Variants in EXOC6B observed in about 807,000 individuals in gnomAD.
The protein encoded by EXOC6B is exocyst complex component 6B.
A neutral mutation model predicts 113.5 loss-of-function variants in EXOC6B; 54 were observed. The observed-to-expected ratio is 0.48, with a 90% CI of 0.38 to 0.60. The LOEUF is 0.60. Among genes scored for constraint, EXOC6B ranks in the 20% least tolerant of loss-of-function variants. EXOC6B has a pLI of 0.00. For synonymous variants in EXOC6B, 357 were observed against 339.0 expected, an observed-to-expected ratio of 1.05 and a Z score of -0.58; for missense variants, 797 against 977.5, an observed-to-expected ratio of 0.82 and a Z score of 2.46.
At chr2:72,725,398 AT>A (rs893579724) in intron 5 of EXOC6B, among the ~76,000 whole-genome samples, 59 of 147,536 alleles carry the variant, frequency 4.0e-4, no homozygotes, top group East Asian at 9.9e-4. Context: ...AATAATAAGG[AT>A]TTTTTTTTTT....
intron 20 of EXOC6B, among the ~76,000 whole-genome samples, chr2:72,214,064 T>A (rs1474490481): frequency 6.6e-6 from 1 of 152,134 alleles, no homozygotes. Context: ...CACCACCCCA[T>A]AAAGCCCATT....
intron 11 of EXOC6B, among the ~76,000 whole-genome samples, chr2:72,501,168 T>C (rs1028962208): frequency 2.0e-5 from 3 of 152,192 alleles, no homozygotes; most frequent in African/African-American, 7.2e-5. Context: ...GGTTTGGATA[T>C]TTGTCCCCTC....
intron 6 of EXOC6B, among the ~76,000 whole-genome samples, chr2:72,650,837 T>G (rs1400958947): frequency 6.6e-6 from 1 of 150,902 alleles, no homozygotes. Flanking sequence ...CTGATAGGAA[T>G]GTAAAACAGT....
intron 6 of EXOC6B, among the ~76,000 whole-genome samples, chr2:72,683,405 T>C (rs2104553728): frequency 6.6e-6 from 1 of 152,302 alleles, no homozygotes; most frequent in South Asian, 2.1e-4. Context: ...GATCTATACT[T>C]ATGGACATTA....
chr2:72,617,986 T>C (rs1008164570), intron 6 of EXOC6B, among the ~76,000 whole-genome samples: 9 of 152,158 alleles, frequency 5.9e-5, no homozygotes, highest in Admixed American at 2.0e-4. Context: ...ACATCTTAGT[T>C]GTTCAGTAAG....
intron 8 of EXOC6B, among the ~76,000 whole-genome samples, chr2:72,528,078 C>T (rs1701823571): frequency 6.6e-6 from 1 of 151,920 alleles, no homozygotes; most frequent in Non-Finnish European, 1.5e-5. Flanking sequence ...TTTTCTTTTA[C>T]ACTGAAAGAA....
intron 6 of EXOC6B, among the ~76,000 whole-genome samples, chr2:72,620,006 G>A (rs939536036): frequency 1.3e-5 from 2 of 152,172 alleles, no homozygotes; most frequent in African/African-American, 2.4e-5. Flanking sequence ...GAGAAAGGAC[G>A]GCTTCCCCGC....
At chr2:72,806,938 A>G (rs1455073199) in intron 1 of EXOC6B, among the ~76,000 whole-genome samples, 2 of 152,144 alleles carry the variant, frequency 1.3e-5, no homozygotes, top group African/African-American at 4.8e-5. Flanking sequence ...TGTCAGATAC[A>G]TAGTTTCCAA....
intron 6 of EXOC6B, among the ~76,000 whole-genome samples, chr2:72,661,220 C>T (rs868014594): frequency 6.6e-6 from 1 of 151,628 alleles, no homozygotes; most frequent in South Asian, 2.1e-4. Flanking sequence ...AGTGAAGTAA[C>T]AAAAGACCCA....
chr2:72,662,792 G>A (rs890581274), intron 6 of EXOC6B, among the ~76,000 whole-genome samples: 3 of 151,692 alleles, frequency 2.0e-5, no homozygotes, highest in South Asian at 2.1e-4. Context: ...GGCTGGAATC[G>A]CAGTGGCACG....
At chr2:72,612,031 C>A (rs1040737678) in intron 6 of EXOC6B, among the ~76,000 whole-genome samples, 9 of 152,016 alleles carry the variant, frequency 5.9e-5, no homozygotes, top group Non-Finnish European at 1.0e-4. Flanking sequence ...GCCTGTAATC[C>A]CAGCACTTTG....
chr2:72,650,498 G>A (rs1199974736), intron 6 of EXOC6B, among the ~76,000 whole-genome samples: 1 of 152,152 alleles, frequency 6.6e-6, no homozygotes, highest in Non-Finnish European at 1.5e-5. Context: ...CTACTTGGGA[G>A]GCTGACGCAG....
At chr2:72,616,594 C>A (rs1404476385) in intron 6 of EXOC6B, among the ~76,000 whole-genome samples, 1 of 152,140 alleles carries the variant, frequency 6.6e-6, no homozygotes, top group Non-Finnish European at 1.5e-5. Flanking sequence ...AGAGCTTGTG[C>A]AGGGAAGCTC....
At chr2:72,196,683 A>G (rs1679189937) in intron 20 of EXOC6B, among the ~76,000 whole-genome samples, 1 of 152,186 alleles carries the variant, frequency 6.6e-6, no homozygotes, top group Admixed American at 6.5e-5. Flanking sequence ...CCTCCCAAAC[A>G]TTTTGTTAAG....
At chr2:72,690,296 C>T (rs1183906674) in intron 6 of EXOC6B, among the ~76,000 whole-genome samples, 1 of 152,178 alleles carries the variant, frequency 6.6e-6, no homozygotes, top group African/African-American at 2.4e-5. Flanking sequence ...CCCATATCCC[C>T]ATGTCCCTAT....
intron 11 of EXOC6B, among the ~76,000 whole-genome samples, chr2:72,510,514 A>G (rs1390912689): frequency 6.6e-6 from 1 of 151,712 alleles, no homozygotes; most frequent in Non-Finnish European, 1.5e-5. Flanking sequence ...ATTAAAAATA[A>G]TAATATAATC....
intron 19 of EXOC6B, among the ~76,000 whole-genome samples, chr2:72,337,561 A>AT (rs1412099334): frequency 2.6e-5 from 4 of 152,148 alleles, no homozygotes; most frequent in African/African-American, 9.6e-5. Flanking sequence ...GATGTGATAC[A>AT]TATTTAGTTT....
intron 11 of EXOC6B, among the ~76,000 whole-genome samples, chr2:72,508,721 C>T (rs1700742777): frequency 6.6e-6 from 1 of 152,076 alleles, no homozygotes; most frequent in Non-Finnish European, 1.5e-5. Context: ...TCGCAGTGAG[C>T]TGAGATCGCA....
intron 20 of EXOC6B, among the ~76,000 whole-genome samples, chr2:72,247,850 T>A (rs1443126762): frequency 6.6e-6 from 1 of 152,210 alleles, no homozygotes; most frequent in East Asian, 1.9e-4. Flanking sequence ...TATGGGGAAG[T>A]TTGGAAGGCA....
Sources: gnomAD v4.1 joint callset for allele counts (sites outside exome capture counted in the v4.1 genomes callset) on GRCh38, gnomAD v4.1.1 for gene constraint, MANE v1.5 for transcripts, NCBI Gene and HGNC (gene_info 2026-07-23, HGNC 2026-07-21) for gene names.